GUCY1A2: variants seen among roughly 807,000 people sequenced by gnomAD.
GUCY1A2 encodes guanylate cyclase 1 soluble subunit alpha 2, also known as guanylate cyclase soluble subunit alpha-2.
GUCY1A2 carries 27 observed loss-of-function variants against 63.5 expected under a neutral mutation model. The ratio of observed to expected loss-of-function variants is 0.43; its 90% CI spans 0.31 to 0.59. The LOEUF (loss-of-function observed/expected upper bound fraction) is 0.59. GUCY1A2 is among the 20% of genes least tolerant of loss of function. GUCY1A2 has a pLI of 0.11. For synonymous variants in GUCY1A2, 364 were observed against 343.5 expected (o/e 1.06, Z -0.66); for missense variants, 768 against 913.3 (o/e 0.84, Z 2.05).
intron 5 of GUCY1A2, among the ~76,000 whole-genome samples, chr11:106,791,520 T>G (rs940172873): frequency 7.4e-6 from 1 of 135,514 alleles, no homozygotes; most frequent in Non-Finnish European, 1.6e-5. Flanking sequence ...CTTGTTGAAT[T>G]TGGTGTCCCT....
rs574485764 is a variant in GUCY1A2, at chr11:106,799,658, T to C, written c.1692+10335A>G. Among the ~76,000 whole-genome samples, 1,395 of 152,300 alleles carry C rather than the reference T, an allele frequency of 9.2e-3. 19 individuals are homozygous for C. The highest frequency in any genetic ancestry group is 0.031 in the African/African-American group (1,309 of 41,562). Reference sequence around the variant, plus strand: ...AATGGGGAAAGGATTCCCTGTTTAATAAATGGTGCTGGGAAAACTGGCTAG... The same window carrying C: ...AATGGGGAAAGGATTCCCTGTTTAACAAATGGTGCTGGGAAAACTGGCTAG... On this transcript the variant is annotated intron_variant, in intron 5 of 7. Coordinates refer to ENST00000526355, the MANE Select transcript of GUCY1A2 (RefSeq NM_000855.3).
Position 106,784,789 on chromosome 11 carries a change from T to C in GUCY1A2, c.1693-8207A>G, listed in dbSNP as rs535911576. Among the ~76,000 whole-genome samples, 4 of 152,316 alleles carry C rather than the reference T, an allele frequency of 2.6e-5. No individual in the cohort carries two copies. The South Asian group carries it at 8.3e-4, about 32-fold the overall frequency. ...TAATATTCTAGCAATAATTTTTGTA[T>C]ATTAATGAGATTAATGTTGCAGAGG... is the stretch of plus-strand genomic sequence containing the variant. On this transcript the variant is annotated intron_variant, in intron 5 of 7. Transcript: ENST00000526355.
intron 1 of GUCY1A2, among the ~76,000 whole-genome samples, chr11:106,991,778 AT>A (rs757316362): frequency 6.6e-6 from 1 of 152,078 alleles, no homozygotes; most frequent in Non-Finnish European, 1.5e-5. Context: ...TAAATACGAG[AT>A]TTTTTTCTTT....
chr11:106,958,245 G>C (rs1420790473), intron 3 of GUCY1A2, among the ~76,000 whole-genome samples: 1 of 152,140 alleles, frequency 6.6e-6, no homozygotes, highest in Non-Finnish European at 1.5e-5. Context: ...ATGAGAACTT[G>C]ACTGATAACC....
intron 5 of GUCY1A2, among the ~76,000 whole-genome samples, chr11:106,800,895 AAG>A (rs1022003590): frequency 5.3e-5 from 8 of 152,004 alleles, no homozygotes; most frequent in Non-Finnish European, 1.0e-4. Context: ...AAAAAAAAAA[AAG>A]AATCTCATAG....
chr11:107,017,978 C>G lies in GUCY1A2; in HGVS notation c.78G>C (p.Glu26Asp). ...SDYLETSPEEEGECPLSRLCW... is the reference protein window; with the variant it reads ...SDYLETSPEEDGECPLSRLCW... Reference sequence around the variant, plus strand: ...AGAGCCTAGACAGGGGGCACTCCCCCTCCTCCTCCGGGCTGGTCTCCAGGT... The same window carrying G: ...AGAGCCTAGACAGGGGGCACTCCCCGTCCTCCTCCGGGCTGGTCTCCAGGT... Residue 26 changes from glutamate to aspartate, a missense_variant, in exon 1 of 8, where the codon GAG (glutamate) becomes GAC (aspartate). Glu to Asp is a conservative substitution (Grantham distance 45). Coordinates refer to ENST00000526355, the MANE Select transcript of GUCY1A2 (RefSeq NM_000855.3). 1 of 1,451,772 alleles carries G rather than the reference C, an allele frequency of 6.9e-7. No homozygotes were observed. The allele number at this position is 1,451,772 out of a possible 1,614,324, so 89.9% of individuals were successfully genotyped here.
Position 106,810,290 on chromosome 11 carries a change from C to T in GUCY1A2, c.1395G>A (p.Leu465=), listed in dbSNP as rs1434391029. Residue 465 remains leucine (L), a synonymous_variant, in exon 5 of 8, where the codon TTG becomes TTA. Transcript: ENST00000526355. ...CCTTTAATTTATCCATCCTTTTCTT[C>T]AACCCATCTTGGGCCTTTGCCTGCT... is the stretch of plus-strand genomic sequence containing the variant. ...VGEQAKAQDG[L]KKRMDKLKAT... 5 of 1,613,766 alleles carry T rather than the reference C, an allele frequency of 3.1e-6. No individual in the cohort carries two copies. In the East Asian group the frequency reaches 8.9e-5, roughly 29 times the overall value.
intron 4 of GUCY1A2, among the ~76,000 whole-genome samples, chr11:106,868,047 T>C (rs572970104): frequency 9.1e-4 from 139 of 152,180 alleles, no homozygotes; most frequent in African/African-American, 3.2e-3. Flanking sequence ...TTCTGAAAGC[T>C]CTATTCCTAA....
At chr11:106,775,674 T>C (rs987351613) in intron 6 of GUCY1A2, among the ~76,000 whole-genome samples, 4 of 152,128 alleles carry the variant, frequency 2.6e-5, no homozygotes, top group African/African-American at 9.7e-5. Flanking sequence ...CTCATATTTT[T>C]AGCCATTTCC....
chr11:106,891,209 G>A (rs2135478083), intron 4 of GUCY1A2, among the ~76,000 whole-genome samples: 1 of 152,128 alleles, frequency 6.6e-6, no homozygotes, highest in Non-Finnish European at 1.5e-5. Flanking sequence ...TACATTTTTT[G>A]ATAATGATAA....
At chr11:106,826,660 G>A in intron 4 of GUCY1A2, 1 of 1,608,310 alleles carries the variant, frequency 6.2e-7, no homozygotes, top group African/African-American at 1.3e-5. Flanking sequence ...AAAAAATTTT[G>A]TCACATGAGC....
At chr11:106,868,499 A>G (rs1378564970) in intron 4 of GUCY1A2, among the ~76,000 whole-genome samples, 1 of 152,210 alleles carries the variant, frequency 6.6e-6, no homozygotes, top group Admixed American at 6.5e-5. Flanking sequence ...GTGAACTCCC[A>G]TTCACAATTG....
At chr11:106,935,157 A>AT (rs764529353) in intron 4 of GUCY1A2, among the ~76,000 whole-genome samples, 6 of 152,294 alleles carry the variant, frequency 3.9e-5, no homozygotes, top group Middle Eastern at 6.8e-3. Context: ...TCCAAGGCAT[A>AT]TTTTAGGAAG....
intron 5 of GUCY1A2, among the ~76,000 whole-genome samples, chr11:106,781,350 A>AACTT (rs1328375751): frequency 6.6e-6 from 1 of 152,128 alleles, no homozygotes; most frequent in Non-Finnish European, 1.5e-5. Context: ...TGTCTGAAAA[A>AACTT]ACTTACATTA....
intron 4 of GUCY1A2, among the ~76,000 whole-genome samples, chr11:106,899,219 C>CA (rs1860092587): frequency 6.6e-6 from 1 of 151,916 alleles, no homozygotes; most frequent in African/African-American, 2.4e-5. Context: ...AACAACCAAA[C>CA]AAAAAACACG....
chr11:106,784,941 GAA>G (rs1435589903), intron 5 of GUCY1A2, among the ~76,000 whole-genome samples: 1 of 152,128 alleles, frequency 6.6e-6, no homozygotes, highest in Non-Finnish European at 1.5e-5. Flanking sequence ...TCTGTCATAT[GAA>G]GAACTGAAAG....
intron 4 of GUCY1A2, among the ~76,000 whole-genome samples, chr11:106,905,832 T>C (rs1026548369): frequency 1.3e-5 from 2 of 152,182 alleles, no homozygotes; most frequent in African/African-American, 4.8e-5. Context: ...TTTGCATGTA[T>C]GTACAGATTT....
At chr11:106,958,340 A>G (rs1187167859) in intron 3 of GUCY1A2, among the ~76,000 whole-genome samples, 1 of 152,174 alleles carries the variant, frequency 6.6e-6, no homozygotes, top group African/African-American at 2.4e-5. Context: ...GCAGCTCAGG[A>G]AGCTTGCTCT....
At chr11:106,744,237 A>G (rs563002437) in intron 6 of GUCY1A2, among the ~76,000 whole-genome samples, 2 of 149,700 alleles carry the variant, frequency 1.3e-5, no homozygotes, top group Admixed American at 1.3e-4. Context: ...AATCATCAAC[A>G]TAAATGCTTT....
Sources: allele counts gnomAD v4.1 joint callset (sites outside exome capture counted in the v4.1 genomes callset), GRCh38; gene constraint gnomAD v4.1.1; transcripts MANE v1.5; gene names NCBI Gene and HGNC (gene_info 2026-07-23, HGNC 2026-07-21).